MCF2L2: variants seen among roughly 807,000 people sequenced by gnomAD.
The protein encoded by MCF2L2 is MCF.2 cell line derived transforming sequence-like 2, also known as probable guanine nucleotide exchange factor MCF2L2.
MCF2L2 carries 102 observed loss-of-function variants against 150.2 expected under a neutral mutation model. The ratio of observed to expected loss-of-function variants is 0.68; its 90% CI spans 0.58 to 0.80. MCF2L2 has a LOEUF of 0.80. Among genes scored for constraint, MCF2L2 ranks in the 30% least tolerant of loss-of-function variants. MCF2L2 has a pLI of 0.00. For missense variants in MCF2L2, 1,256 were observed against 1,372.8 expected (o/e 0.91, Z 1.34); for synonymous variants, 465 against 491.3 (o/e 0.95, Z 0.71).
chr3:183,225,460 G>A (rs1723309748), intron 18 of MCF2L2: 1 of 152,220 alleles, frequency 6.6e-6, no homozygotes, highest in African/African-American at 2.4e-5. Context: ...ACATACAAAA[G>A]TGCCCAATTC....
chr3:183,354,740 A>G (rs983487613), intron 3 of MCF2L2, among the ~76,000 whole-genome samples: 21 of 152,152 alleles, frequency 1.4e-4, no homozygotes, highest in Non-Finnish European at 2.8e-4. Context: ...TCAAGCTATT[A>G]CCCAATGACC....
chr3:183,214,327 C>T (rs187230035), intron 22 of MCF2L2, among the ~76,000 whole-genome samples: 31 of 152,256 alleles, frequency 2.0e-4, no homozygotes, highest in African/African-American at 7.0e-4. Flanking sequence ...CACCCTAACC[C>T]TACTCTGCAG....
chr3:183,341,736 C>G (rs1730705089), intron 3 of MCF2L2, 106 bp from the exon 4 acceptor site: 2 of 753,076 alleles, frequency 2.7e-6, no homozygotes, highest in Admixed American at 3.9e-5. Flanking sequence ...TCCAGGCTCA[C>G]CGTGTAAACA....
At chr3:183,322,617 T>C (rs1729858712) in intron 6 of MCF2L2, among the ~76,000 whole-genome samples, 1 of 152,224 alleles carries the variant, frequency 6.6e-6, no homozygotes, top group South Asian at 2.1e-4. Flanking sequence ...CATGTTATTG[T>C]GACAATTTTT....
chr3:183,301,994 C>T (rs746093330), intron 10 of MCF2L2, among the ~76,000 whole-genome samples: 15 of 152,064 alleles, frequency 9.9e-5, no homozygotes, highest in Non-Finnish European at 2.1e-4. Flanking sequence ...GCTTTTTCTT[C>T]TGGGAGTCTG....
Position 183,219,845 on chromosome 3 carries a change from A to C in MCF2L2, c.2370+11T>G. 1 of 1,581,770 alleles carries C rather than the reference A, an allele frequency of 6.3e-7. No homozygotes were observed. Among genetic ancestry groups the C allele is most frequent in the Non-Finnish European group, 8.7e-7 (1 of 1,150,830 alleles). On this transcript the variant is annotated intron_variant, in intron 21 of 29. Coordinates refer to ENST00000328913, the MANE Select transcript of MCF2L2 (RefSeq NM_015078.4). ...TTAGTTATATAAAATGTAATATTTAATATTGAGTACCTTAGCCGAGCCTCC... is the reference window on the plus strand; with the variant it reads ...TTAGTTATATAAAATGTAATATTTACTATTGAGTACCTTAGCCGAGCCTCC...
intron 21 of MCF2L2, 101 bp from the exon 22 acceptor site, chr3:183,216,195 C>CTTCTCAGTCAGGGT: frequency 3.1e-6 from 4 of 1,294,500 alleles, no homozygotes; most frequent in Non-Finnish European, 4.3e-6. Flanking sequence ...CCAGCCAACC[C>CTTCTCAGTCAGGGT]TGACTGAGAA....
At chr3:183,256,312 C>T (rs1725040251) in intron 15 of MCF2L2, among the ~76,000 whole-genome samples, 1 of 152,122 alleles carries the variant, frequency 6.6e-6, no homozygotes, top group Non-Finnish European at 1.5e-5. Flanking sequence ...GTAACCAGAA[C>T]AGTGTAAATC....
chr3:183,350,465 A>G (rs1429985984), intron 3 of MCF2L2, among the ~76,000 whole-genome samples: 5 of 152,200 alleles, frequency 3.3e-5, no homozygotes, highest in African/African-American at 1.2e-4. Flanking sequence ...GATGTGTCAG[A>G]CACCTGCACA....
At chr3:183,223,490 A>C in intron 19 of MCF2L2, 52 bp from the exon 20 acceptor site, 1 of 1,368,840 alleles carries the variant, frequency 7.3e-7, no homozygotes, top group South Asian at 1.2e-5. Flanking sequence ...ACACACACAG[A>C]ATAAAAGTGG....
chr3:183,269,230 C>CTTTTTTTTGTTTTTTTTTTTTTTTTTT (rs1726470795), intron 15 of MCF2L2, among the ~76,000 whole-genome samples: 1 of 81,030 alleles, frequency 1.2e-5, no homozygotes, highest in Non-Finnish European at 2.2e-5. Context: ...GTTTGGGAAG[C>CTTTTTTTTGTTTTTTTTTTTTTTTTTT]TTTTTTTTTT....
chr3:183,319,280 T>C (rs146617569), intron 6 of MCF2L2, among the ~76,000 whole-genome samples: 164 of 152,358 alleles, frequency 1.1e-3, no homozygotes, highest in African/African-American at 3.8e-3. Context: ...ATCATGAGGT[T>C]GCAGCAATGC....
chr3:183,413,408 A>C (rs1467056657), intron 1 of MCF2L2, among the ~76,000 whole-genome samples: 1 of 152,234 alleles, frequency 6.6e-6, no homozygotes, highest in Non-Finnish European at 1.5e-5. Context: ...GGTCACCCCA[A>C]CCAGGCTGTT....
chr3:183,196,755 G>A (rs189982683), intron 25 of MCF2L2, among the ~76,000 whole-genome samples: 276 of 152,180 alleles, frequency 1.8e-3, no homozygotes, highest in Non-Finnish European at 2.9e-3. Context: ...TAAAAGGAAG[G>A]GGCTGGCACA....
intron 7 of MCF2L2, among the ~76,000 whole-genome samples, chr3:183,313,084 A>T (rs186856637): frequency 6.6e-4 from 101 of 152,360 alleles, no homozygotes; most frequent in Non-Finnish European, 4.1e-4. Flanking sequence ...AGCCTAAAAG[A>T]AGTCAGGTTG....
At chr3:183,276,496 C>A (rs1017811762) in intron 15 of MCF2L2, among the ~76,000 whole-genome samples, 23 of 152,196 alleles carry the variant, frequency 1.5e-4, no homozygotes, top group African/African-American at 5.1e-4. Flanking sequence ...GATGCAAACA[C>A]CTTTCTACAG....
chr3:183,318,516 ACTTT>A, intron 6 of MCF2L2, among the ~76,000 whole-genome samples: 1 of 152,194 alleles, frequency 6.6e-6, no homozygotes, highest in Middle Eastern at 3.2e-3. Flanking sequence ...TTGAGTTCTA[ACTTT>A]CTGAGTCTCT....
chr3:183,220,024 G>A (rs1000399585), intron 20 of MCF2L2, 100 bp from the exon 21 acceptor site: 4 of 822,492 alleles, frequency 4.9e-6, no homozygotes, highest in Non-Finnish European at 8.4e-6. Flanking sequence ...TGCCACCAAT[G>A]CTAAGCTGAC....
chr3:183,249,240 AG>A (rs1724400049), intron 15 of MCF2L2, among the ~76,000 whole-genome samples: 1 of 152,166 alleles, frequency 6.6e-6, no homozygotes, highest in Admixed American at 6.5e-5. Flanking sequence ...TGCTTCCGGG[AG>A]TGTGGAGTGT....
Sources: gnomAD v4.1 joint callset for allele counts (sites outside exome capture counted in the v4.1 genomes callset) on GRCh38, gnomAD v4.1.1 for gene constraint, MANE v1.5 for transcripts, NCBI Gene and HGNC (gene_info 2026-07-23, HGNC 2026-07-21) for gene names.